SLIT3: variants seen among roughly 807,000 people sequenced by gnomAD.
SLIT3 encodes slit homolog 3 protein.
In SLIT3, 68 loss-of-function variants were observed where a neutral mutation model predicts 184.0. The observed-to-expected ratio is 0.37, with a 90% CI of 0.30 to 0.45. The LOEUF (loss-of-function observed/expected upper bound fraction) is 0.45. Ranked by LOEUF, SLIT3 falls within the 20% of genes least tolerant of loss-of-function variation. The probability of loss-of-function intolerance (pLI) is 1.00; values close to 1 mark genes in which losing one functional copy is unlikely to be tolerated. For synonymous variants in SLIT3, 831 were observed against 828.6 expected (o/e 1.00, Z -0.05); for missense variants, 1,707 against 2,026.0 (o/e 0.84, Z 3.02).
intron 3 of SLIT3, among the ~76,000 whole-genome samples, chr5:169,203,585 A>T (rs1315068136): frequency 6.6e-6 from 1 of 152,142 alleles, no homozygotes; most frequent in Non-Finnish European, 1.5e-5. Flanking sequence ...ATCTCTTTTG[A>T]GATTTTCTAC....
chr5:169,163,900 G>A (rs971398485), intron 4 of SLIT3, among the ~76,000 whole-genome samples: 8 of 152,046 alleles, frequency 5.3e-5, no homozygotes, highest in East Asian at 3.9e-4. Flanking sequence ...TGCCCCATTC[G>A]TTCCTTTGGG....
intron 5 of SLIT3, among the ~76,000 whole-genome samples, chr5:168,871,008 G>A (rs943935213): frequency 3.9e-5 from 6 of 152,146 alleles, no homozygotes; most frequent in South Asian, 2.1e-4. Flanking sequence ...AACATAACAC[G>A]AATTTATTGT....
At chr5:169,144,845 C>T (rs528871822) in intron 4 of SLIT3, among the ~76,000 whole-genome samples, 9 of 152,288 alleles carry the variant, frequency 5.9e-5, no homozygotes, top group South Asian at 2.1e-4. Flanking sequence ...ACAGCAGTTA[C>T]GAATTGAGAA....
intron 5 of SLIT3, among the ~76,000 whole-genome samples, chr5:168,864,568 CTGT>C (rs1370717477): frequency 4.6e-5 from 7 of 152,108 alleles, no homozygotes; most frequent in African/African-American, 1.7e-4. Context: ...GCCAGATTGC[CTGT>C]TGAGGGGGTT....
chr5:168,968,097 G>A (rs558702810), intron 4 of SLIT3, among the ~76,000 whole-genome samples: 1 of 152,100 alleles, frequency 6.6e-6, no homozygotes, highest in Non-Finnish European at 1.5e-5. Context: ...TAAAGATTAA[G>A]AATGATTTAT....
At chr5:168,752,614 C>T (rs1030715107) in intron 18 of SLIT3, 2 of 225,266 alleles carry the variant, frequency 8.9e-6, no homozygotes, top group Non-Finnish European at 1.7e-5. Flanking sequence ...AGGCTGGTTT[C>T]GAATTCCTCA....
intron 1 of SLIT3, among the ~76,000 whole-genome samples, chr5:169,252,323 G>A (rs1285628362): frequency 1.3e-5 from 2 of 152,160 alleles, no homozygotes; most frequent in Non-Finnish European, 2.9e-5. Context: ...GATTACTCCT[G>A]CCTCAATTTA....
intron 12 of SLIT3, among the ~76,000 whole-genome samples, chr5:168,781,751 C>T (rs569025644): frequency 6.6e-6 from 1 of 152,114 alleles, no homozygotes; most frequent in Admixed American, 6.5e-5. Context: ...CTCTGCAGAT[C>T]AAAAAACCGG....
At chr5:168,789,734 T>C in intron 10 of SLIT3, 103 bp from the exon 11 acceptor site, 1 of 841,470 alleles carries the variant, frequency 1.2e-6, no homozygotes, top group Non-Finnish European at 2.0e-6. Flanking sequence ...ATGGTAAGGA[T>C]TAATCAATCA....
chr5:168,959,957 CAG>C (rs933956960), intron 4 of SLIT3, among the ~76,000 whole-genome samples: 5 of 152,140 alleles, frequency 3.3e-5, no homozygotes, highest in African/African-American at 1.2e-4. Context: ...AACGAAGGCT[CAG>C]GGAGGTTAAC....
intron 1 of SLIT3, among the ~76,000 whole-genome samples, chr5:169,257,098 G>GATAGATTACATTTCA (rs1311139049): frequency 2.6e-5 from 4 of 152,180 alleles, no homozygotes; most frequent in Non-Finnish European, 5.9e-5. Context: ...TGAGCATACA[G>GATAGATTACATTTCA]ATAGATTACA....
chr5:168,783,848 C>CAGGCCTGCCTGAG (rs1355030721), intron 12 of SLIT3, among the ~76,000 whole-genome samples: 2 of 152,174 alleles, frequency 1.3e-5, no homozygotes, highest in African/African-American at 2.4e-5. Context: ...TGTGTCAACT[C>CAGGCCTGCCTGAG]TTGGTCTCAA....
intron 4 of SLIT3, among the ~76,000 whole-genome samples, chr5:168,930,447 C>G (rs1009662683): frequency 2.0e-5 from 3 of 152,120 alleles, no homozygotes; most frequent in Non-Finnish European, 4.4e-5. Context: ...GTTTCCAATC[C>G]GGAGTCTGCC....
intron 4 of SLIT3, among the ~76,000 whole-genome samples, chr5:168,898,906 C>T (rs1760775191): frequency 6.6e-6 from 1 of 152,152 alleles, no homozygotes; most frequent in Non-Finnish European, 1.5e-5. Context: ...GGAGAAACAG[C>T]CTCCACCCTG....
chr5:168,815,282 C>T (rs1054821002), intron 8 of SLIT3, among the ~76,000 whole-genome samples: 2 of 152,186 alleles, frequency 1.3e-5, no homozygotes, highest in Non-Finnish European at 2.9e-5. Context: ...CAGCCTTTCT[C>T]CCCTGGTTTT....
intron 20 of SLIT3, among the ~76,000 whole-genome samples, chr5:168,747,595 T>C (rs1474559737): frequency 6.6e-6 from 1 of 152,174 alleles, no homozygotes; most frequent in African/African-American, 2.4e-5. Context: ...GACCGTGCCT[T>C]GTCCTTCTGT....
At chr5:169,054,320 G>A (rs1757915209) in intron 4 of SLIT3, among the ~76,000 whole-genome samples, 1 of 151,706 alleles carries the variant, frequency 6.6e-6, no homozygotes, top group South Asian at 2.1e-4. Flanking sequence ...CCAGAAGCTG[G>A]GAGAGGCAAG....
chr5:168,815,548 T>C (rs1344414685), intron 8 of SLIT3, among the ~76,000 whole-genome samples: 1 of 152,236 alleles, frequency 6.6e-6, no homozygotes, highest in Non-Finnish European at 1.5e-5. Context: ...ATATTTGAAG[T>C]TGGTGCCTGC....
intron 10 of SLIT3, among the ~76,000 whole-genome samples, chr5:168,794,361 G>A (rs1367507201): frequency 3.9e-5 from 4 of 102,058 alleles, no homozygotes; most frequent in African/African-American, 2.1e-4. Context: ...CAGAACTGAT[G>A]GCAATGGTTG....
Sources: gnomAD v4.1 joint callset for allele counts (sites outside exome capture counted in the v4.1 genomes callset) on GRCh38, gnomAD v4.1.1 for gene constraint, MANE v1.5 for transcripts, NCBI Gene and HGNC (gene_info 2026-07-23, HGNC 2026-07-21) for gene names.